The following RNF180 variants were observed in gnomAD, a reference collection of about 807,000 sequenced individuals.
The protein encoded by RNF180 is ring finger protein 180, also known as E3 ubiquitin-protein ligase RNF180.
RNF180 carries 38 observed loss-of-function variants against 59.2 expected under a neutral mutation model. The ratio of observed to expected loss-of-function variants is 0.64; its 90% CI spans 0.50 to 0.84. The LOEUF (loss-of-function observed/expected upper bound fraction) is 0.84, where lower values mean the gene tolerates loss of function less well. RNF180 is among the 40% of genes least tolerant of loss of function. The probability of loss-of-function intolerance (pLI) is 0.00; values close to 1 mark genes in which losing one functional copy is unlikely to be tolerated. For synonymous variants in RNF180, 262 were observed against 240.3 expected, an observed-to-expected ratio of 1.09 and a Z score of -0.84; for missense variants, 705 against 700.9, an observed-to-expected ratio of 1.01 and a Z score of -0.07.
chr5:64,178,019 C>T (rs1014493761), intron 1 of RNF180, among the ~76,000 whole-genome samples: 1 of 151,938 alleles, frequency 6.6e-6, no homozygotes, highest in African/African-American at 2.4e-5. Flanking sequence ...TCCTGACTGA[C>T]ATAGTGAAAC....
Position 64,371,760 on chromosome 5 carries a change from A to G in RNF180, c.*1946A>G, listed in dbSNP as rs1746663844. The G allele has an allele frequency of 6.6e-6, 1 of 151,656 alleles. No homozygotes were observed. The highest frequency in any genetic ancestry group is 1.5e-5 in the Non-Finnish European group (1 of 67,722). The allele number at this position is 151,656 out of a possible 1,614,324, so 9.4% of individuals were successfully genotyped here. On this transcript the variant is annotated 3_prime_UTR_variant, in exon 8 of 8. Transcript: ENST00000389100. ...TAAATTCATAAAATTATAAATTACTAATCTTTAAAATATTCTTAAATTTTG... is the reference window on the plus strand; with the variant it reads ...TAAATTCATAAAATTATAAATTACTGATCTTTAAAATATTCTTAAATTTTG...
chr5:64,279,741 T>C (rs1455096492), intron 5 of RNF180, among the ~76,000 whole-genome samples: 2 of 152,180 alleles, frequency 1.3e-5, no homozygotes, highest in African/African-American at 4.8e-5. Context: ...CTACATCCTA[T>C]GATGAGTTAA....
chr5:64,225,599 G>A (rs1009191403), intron 5 of RNF180, among the ~76,000 whole-genome samples: 64 of 131,172 alleles, frequency 4.9e-4, no homozygotes, highest in Admixed American at 8.9e-4. Context: ...CTGCCTAGCC[G>A]CCCTGTCTGG....
intron 7 of RNF180, among the ~76,000 whole-genome samples, chr5:64,338,973 A>G (rs189810859): frequency 6.6e-6 from 1 of 152,158 alleles, no homozygotes; most frequent in Admixed American, 6.5e-5. Flanking sequence ...GTAAAATTGT[A>G]TTTATTTTTT....
Position 64,212,042 on chromosome 5 carries a change from TATC to T in RNF180, c.136-20_136-18del, listed in dbSNP as rs771701836. ...TAAATTCTGAACTGGTAATTAGTAA[TATC>T]ATTTATTTTTATTTAACAGGATAAA... On this transcript the variant is annotated intron_variant, in intron 2 of 7. Coordinates refer to ENST00000389100, the MANE Select transcript of RNF180 (RefSeq NM_001113561.2). The T allele has an allele frequency of 5.4e-6, 7 of 1,285,224 alleles. No individual in the cohort carries two copies. The highest frequency in any genetic ancestry group is 7.9e-6 in the Non-Finnish European group (7 of 887,448). 79.6% of individuals were successfully genotyped at this position (1,285,224 alleles called of 1,614,324 possible).
intron 5 of RNF180, among the ~76,000 whole-genome samples, chr5:64,314,427 T>C (rs1743934647): frequency 6.6e-6 from 1 of 152,110 alleles, no homozygotes; most frequent in Admixed American, 6.6e-5. Context: ...ATTGACAATA[T>C]TGCCAATTAA....
chr5:64,302,480 T>C (rs1160042507), intron 5 of RNF180, among the ~76,000 whole-genome samples: 1 of 151,564 alleles, frequency 6.6e-6, no homozygotes, highest in African/African-American at 2.4e-5. Flanking sequence ...TATATGTCTT[T>C]TTAGGGCTGA....
At chr5:64,241,490 C>T (rs957421505) in intron 5 of RNF180, among the ~76,000 whole-genome samples, 7 of 152,190 alleles carry the variant, frequency 4.6e-5, no homozygotes, top group African/African-American at 1.7e-4. Context: ...CATTTTAGTA[C>T]ATAAGGAAAT....
rs559540119 is a variant in RNF180 at position 64,248,832 on chromosome 5, T to G, written c.1227+31436T>G. On this transcript the variant is annotated intron_variant, in intron 5 of 7. Coordinates refer to ENST00000389100, the MANE Select transcript of RNF180 (RefSeq NM_001113561.2). The stretch of plus-strand genomic sequence containing the variant: ...TGTTTATTTGCAGCACTATTCACTA[T>G]AGCAAAGACTTGGAACCAACCCAAA... Among the ~76,000 whole-genome samples, 8 of 152,332 alleles carry G rather than the reference T, an allele frequency of 5.3e-5. No individual in the cohort carries two copies. The East Asian group carries it at 1.5e-3, about 29-fold the overall frequency.
chr5:64,211,889 A>T lies in RNF180; in HGVS notation c.136-176A>T, dbSNP rs76965951. Among the ~76,000 whole-genome samples the T allele has an allele frequency of 8.2e-3, 1,245 of 152,302 alleles. 17 individuals are homozygous for T. The highest frequency in any genetic ancestry group is 0.029 in the African/African-American group (1,189 of 41,566). ...GTCGTTATTCCCTGAAGAAATTTTT[A>T]AAAAATCTTTTTTTGTGGGCTTGTT... On this transcript the variant is annotated intron_variant, in intron 2 of 7. Coordinates refer to ENST00000389100, the MANE Select transcript of RNF180 (RefSeq NM_001113561.2).
At chr5:64,327,174 G>A (rs1270583635) in intron 6 of RNF180, among the ~76,000 whole-genome samples, 1 of 151,602 alleles carries the variant, frequency 6.6e-6, no homozygotes, top group East Asian at 1.9e-4. Flanking sequence ...TTTTATTTGG[G>A]TCTTTTTTTC....
intron 7 of RNF180, among the ~76,000 whole-genome samples, chr5:64,354,744 C>T (rs74676186): frequency 0.022 from 3,286 of 151,712 alleles, 90 homozygotes; most frequent in African/African-American, 0.055. Context: ...ACATTATTAC[C>T]AAATGGGATT....
At chr5:64,335,919 T>A (rs1432020097) in intron 7 of RNF180, among the ~76,000 whole-genome samples, 2 of 152,168 alleles carry the variant, frequency 1.3e-5, no homozygotes, top group East Asian at 1.9e-4. Context: ...TTTGTTTAGA[T>A]CTCCTTTGAT....
At chr5:64,217,314 C>A in intron 4 of RNF180, 47 bp from the exon 5 acceptor site, 1 of 1,350,764 alleles carries the variant, frequency 7.4e-7, no homozygotes. Flanking sequence ...CTTTTACAGA[C>A]ATTCATGTGC....
chr5:64,303,399 A>G (rs1219238280), intron 5 of RNF180, among the ~76,000 whole-genome samples: 3 of 151,732 alleles, frequency 2.0e-5, no homozygotes, highest in African/African-American at 7.2e-5. Flanking sequence ...GAAAGTCAGG[A>G]TATCCTAGGC....
At chr5:64,181,313 C>T in intron 1 of RNF180, among the ~76,000 whole-genome samples, 1 of 152,324 alleles carries the variant, frequency 6.6e-6, no homozygotes, top group South Asian at 2.1e-4. Context: ...ATCAAGTTGA[C>T]ACTCAGTATT....
chr5:64,364,981 T>G (rs1439449729), intron 7 of RNF180, among the ~76,000 whole-genome samples: 1 of 151,116 alleles, frequency 6.6e-6, no homozygotes, highest in Non-Finnish European at 1.5e-5. Flanking sequence ...GTCTAGCTAG[T>G]GGCCTGTCTT....
intron 5 of RNF180, among the ~76,000 whole-genome samples, chr5:64,278,088 C>G (rs772237531): frequency 1.3e-5 from 2 of 152,064 alleles, no homozygotes; most frequent in Non-Finnish European, 2.9e-5. Context: ...AAATAAATGT[C>G]TAATTTAGAA....
intron 5 of RNF180, among the ~76,000 whole-genome samples, chr5:64,293,249 G>T (rs966734218): frequency 6.6e-6 from 1 of 151,992 alleles, no homozygotes; most frequent in Non-Finnish European, 1.5e-5. Flanking sequence ...TCCTGCTCCT[G>T]GGGGGGCTGT....
Sources: gnomAD v4.1 joint callset for allele counts (sites outside exome capture counted in the v4.1 genomes callset) on GRCh38, gnomAD v4.1.1 for gene constraint, MANE v1.5 for transcripts, NCBI Gene and HGNC (gene_info 2026-07-23, HGNC 2026-07-21) for gene names.